Variants in TAFA4 observed in about 807,000 individuals in gnomAD.
The protein encoded by TAFA4 is TAFA chemokine like family member 4.
TAFA4 carries 20 observed loss-of-function variants against 21.1 expected under a neutral mutation model. That is an observed-to-expected ratio of 0.95 (90% CI 0.67 to 1.38). The LOEUF is 1.38. Among genes scored for constraint, TAFA4 ranks in the 40% most tolerant of loss-of-function variants. The pLI, the probability that TAFA4 is intolerant of heterozygous loss-of-function variation, is 0.00. For missense variants in TAFA4, 211 were observed against 180.9 expected, an observed-to-expected ratio of 1.17 and a Z score of -0.95; for synonymous variants, 71 against 67.4, an observed-to-expected ratio of 1.05 and a Z score of -0.26.
At chr3:68,883,724 TAAAG>T (rs1358240059) in intron 2 of TAFA4, among the ~76,000 whole-genome samples, 1 of 152,216 alleles carries the variant, frequency 6.6e-6, no homozygotes. Context: ...GATTTAACCC[TAAAG>T]AAATAACCAG....
rs546535055 is a variant in TAFA4, at chr3:68,900,229, G to C, written c.-122-14919C>G. On this transcript the variant is annotated intron_variant, in intron 1 of 5. Coordinates refer to ENST00000295569, the MANE Select transcript of TAFA4 (RefSeq NM_182522.5). ...TGTACTTCAGCTTGGGTGACAGAGC[G>C]AGACTCTCTCTTAATAATAATAATA... 3.4e-5 allele frequency among the ~76,000 whole-genome samples: 5 copies of C among 145,792 alleles called. No individual in the cohort carries two copies. The East Asian group carries it at 9.9e-4, about 29-fold the overall frequency.
chr3:68,841,906 A>G (rs1575635850), intron 3 of TAFA4, among the ~76,000 whole-genome samples: 1 of 152,166 alleles, frequency 6.6e-6, no homozygotes, highest in African/African-American at 2.4e-5. Flanking sequence ...ATAGTATTCC[A>G]TGGTGTATAT....
intron 3 of TAFA4, among the ~76,000 whole-genome samples, chr3:68,814,727 G>A (rs1159734680): frequency 1.3e-5 from 2 of 152,258 alleles, no homozygotes; most frequent in East Asian, 3.9e-4. Flanking sequence ...TCGTGAAAAT[G>A]GCCATACTGC....
intron 3 of TAFA4, among the ~76,000 whole-genome samples, chr3:68,804,352 A>G (rs1238604012): frequency 1.3e-5 from 2 of 152,174 alleles, no homozygotes; most frequent in East Asian, 3.9e-4. Context: ...AAAAATCAAC[A>G]TCGTGAAAAT....
chr3:68,753,124 T>C (rs1182198490), intron 3 of TAFA4, 106 bp from the exon 4 acceptor site: 3 of 936,832 alleles, frequency 3.2e-6, no homozygotes, highest in East Asian at 2.5e-5. Context: ...TCCTGTGCTA[T>C]GCTTATGAGT....
intron 3 of TAFA4, among the ~76,000 whole-genome samples, chr3:68,801,019 T>G (rs1411378754): frequency 6.6e-6 from 1 of 152,184 alleles, no homozygotes; most frequent in Non-Finnish European, 1.5e-5. Context: ...AAGTGTTGAA[T>G]GGCCAAGAGA....
intron 4 of TAFA4, among the ~76,000 whole-genome samples, chr3:68,744,118 C>G (rs997045870): frequency 2.6e-5 from 4 of 152,202 alleles, no homozygotes; most frequent in African/African-American, 9.6e-5. Flanking sequence ...CTCAGACTAA[C>G]TTTCTTCCAC....
At chr3:68,745,350 AT>A (rs1357716574) in intron 4 of TAFA4, among the ~76,000 whole-genome samples, 3 of 152,148 alleles carry the variant, frequency 2.0e-5, no homozygotes. Flanking sequence ...AGGCATAGAT[AT>A]TTTTTTCCTG....
intron 3 of TAFA4, among the ~76,000 whole-genome samples, chr3:68,824,797 G>A (rs1031880742): frequency 2.6e-5 from 4 of 152,176 alleles, no homozygotes; most frequent in African/African-American, 9.7e-5. Context: ...GCAAGGGGCA[G>A]AACTAGGATT....
chr3:68,890,635 C>G (rs2089720613), intron 1 of TAFA4, among the ~76,000 whole-genome samples: 1 of 152,208 alleles, frequency 6.6e-6, no homozygotes, highest in Non-Finnish European at 1.5e-5. Flanking sequence ...GTGGCTTGTC[C>G]AAGCTCACTT....
intron 1 of TAFA4, among the ~76,000 whole-genome samples, chr3:68,906,819 T>A (rs1435818092): frequency 1.3e-5 from 2 of 151,728 alleles, no homozygotes; most frequent in Non-Finnish European, 1.5e-5. Context: ...CACCTGAGTG[T>A]GGGAGTTTGA....
At chr3:68,776,227 G>A (rs1247178891) in intron 3 of TAFA4, among the ~76,000 whole-genome samples, 1 of 152,002 alleles carries the variant, frequency 6.6e-6, no homozygotes, top group African/African-American at 2.4e-5. Context: ...AAAAGGTAGA[G>A]ACCGTCAGAA....
intron 3 of TAFA4, among the ~76,000 whole-genome samples, chr3:68,800,329 A>G (rs1703549869): frequency 6.6e-6 from 1 of 152,170 alleles, no homozygotes; most frequent in Non-Finnish European, 1.5e-5. Flanking sequence ...TGAGATGATA[A>G]ATTTGTGTTG....
At chr3:68,927,581 A>C (rs902227582) in intron 1 of TAFA4, among the ~76,000 whole-genome samples, 1 of 152,188 alleles carries the variant, frequency 6.6e-6, no homozygotes, top group African/African-American at 2.4e-5. Flanking sequence ...AAAAAAGCTT[A>C]GTGTTTTCTC....
chr3:68,811,305 G>A (rs1231200133), intron 3 of TAFA4, among the ~76,000 whole-genome samples: 4 of 152,162 alleles, frequency 2.6e-5, no homozygotes, highest in Non-Finnish European at 5.9e-5. Context: ...CACCAGCAAC[G>A]GAACAAAGCT....
chr3:68,742,538 T>G (rs1311114130), intron 4 of TAFA4, among the ~76,000 whole-genome samples: 1 of 152,108 alleles, frequency 6.6e-6, no homozygotes, highest in Admixed American at 6.6e-5. Context: ...ATTTTCTAAT[T>G]TAAACCTCAC....
intron 3 of TAFA4, among the ~76,000 whole-genome samples, chr3:68,781,667 G>A (rs1703156405): frequency 6.6e-6 from 1 of 151,954 alleles, no homozygotes; most frequent in Non-Finnish European, 1.5e-5. Flanking sequence ...CTTCATTGCT[G>A]AATTTTTCCT....
chr3:68,886,522 T>C (rs1037240918), intron 1 of TAFA4, among the ~76,000 whole-genome samples: 4 of 152,280 alleles, frequency 2.6e-5, no homozygotes, highest in African/African-American at 7.2e-5. Flanking sequence ...TCCCCACATA[T>C]TGGAAACCAA....
intron 5 of TAFA4, among the ~76,000 whole-genome samples, chr3:68,737,869 A>G (rs1202971102): frequency 6.6e-6 from 1 of 152,196 alleles, no homozygotes; most frequent in Non-Finnish European, 1.5e-5. Flanking sequence ...AATGAGAACC[A>G]AAGACTCACT....
Sources: allele counts gnomAD v4.1 joint callset (sites outside exome capture counted in the v4.1 genomes callset), GRCh38; gene constraint gnomAD v4.1.1; transcripts MANE v1.5; gene names NCBI Gene and HGNC (gene_info 2026-07-23, HGNC 2026-07-21).